Variants in FRMD4A observed in about 807,000 individuals in gnomAD.
The protein encoded by FRMD4A is FERM domain containing 4A, also known as FERM domain-containing protein 4A.
Under a neutral mutation model 129.1 loss-of-function variants are expected in FRMD4A, and 29 were observed. The ratio of observed to expected loss-of-function variants is 0.22; its 90% CI spans 0.17 to 0.31. The LOEUF is 0.31. Among genes scored for constraint, FRMD4A ranks in the 10% least tolerant of loss-of-function variants. The probability of loss-of-function intolerance (pLI) is 1.00; values close to 1 mark genes in which losing one functional copy is unlikely to be tolerated. For synonymous variants in FRMD4A, 634 were observed against 571.6 expected (o/e 1.11, Z -1.56); for missense variants, 1,272 against 1,375.8 (o/e 0.92, Z 1.19).
At chr10:13,958,464 T>C (rs1158798222) in intron 2 of FRMD4A, among the ~76,000 whole-genome samples, 1 of 151,818 alleles carries the variant, frequency 6.6e-6, no homozygotes, top group Non-Finnish European at 1.5e-5. Context: ...TTTGTATTTT[T>C]AGTAGAGACG....
chr10:13,675,906 T>A (rs2083939733), intron 15 of FRMD4A: 1 of 152,100 alleles, frequency 6.6e-6, no homozygotes, highest in African/African-American at 2.4e-5. Context: ...AAAAATAAAA[T>A]TAGAATGCTA....
intron 2 of FRMD4A, among the ~76,000 whole-genome samples, chr10:14,080,173 G>T (rs1292123525): frequency 1.3e-5 from 2 of 152,178 alleles, no homozygotes; most frequent in Non-Finnish European, 2.9e-5. Flanking sequence ...AAGCCACAAA[G>T]ATGCCCCAGC....
chr10:14,300,688 A>C (rs1178314448), intron 2 of FRMD4A, among the ~76,000 whole-genome samples: 2 of 152,214 alleles, frequency 1.3e-5, no homozygotes, highest in Non-Finnish European at 2.9e-5. Context: ...TAAATAATGC[A>C]ATGTTTATGA....
intron 2 of FRMD4A, among the ~76,000 whole-genome samples, chr10:13,974,297 G>A (rs1374873397): frequency 6.6e-6 from 1 of 152,158 alleles, no homozygotes. Context: ...CCCGAGAACA[G>A]CAAGACCTAC....
intron 2 of FRMD4A, among the ~76,000 whole-genome samples, chr10:14,141,581 A>C (rs117186276): frequency 3.3e-5 from 5 of 151,190 alleles, no homozygotes; most frequent in South Asian, 2.1e-4. Flanking sequence ...CCCCTTCTCT[A>C]CCCCTGCCAT....
intron 2 of FRMD4A, among the ~76,000 whole-genome samples, chr10:13,983,505 A>AT (rs1260977717): frequency 6.6e-6 from 1 of 151,982 alleles, no homozygotes; most frequent in Non-Finnish European, 1.5e-5. Context: ...ATATATATAT[A>AT]TTTTTTTCCA....
intron 2 of FRMD4A, among the ~76,000 whole-genome samples, chr10:13,903,046 C>A (rs1363411873): frequency 6.6e-6 from 1 of 152,130 alleles, no homozygotes; most frequent in African/African-American, 2.4e-5. Flanking sequence ...GCTCCGGGCA[C>A]CCTGTTGTCT....
chr10:13,678,432 T>C (rs560963971), intron 15 of FRMD4A, among the ~76,000 whole-genome samples: 1 of 152,300 alleles, frequency 6.6e-6, no homozygotes, highest in East Asian at 1.9e-4. Context: ...GTAAAACAGA[T>C]CTGAGTTTGA....
chr10:14,037,937 C>G (rs4288668), intron 2 of FRMD4A, among the ~76,000 whole-genome samples: 67,685 of 152,058 alleles, frequency 0.45, 15,203 homozygotes, highest in East Asian at 0.58. Flanking sequence ...CAAATGGATC[C>G]AGTTTTGTCT....
chr10:13,911,911 G>C (rs756546148), intron 2 of FRMD4A, among the ~76,000 whole-genome samples: 12 of 152,134 alleles, frequency 7.9e-5, no homozygotes, highest in South Asian at 2.1e-4. Flanking sequence ...AAAGCAAAGA[G>C]AAAATCCTTT....
chr10:14,199,647 C>T (rs1842575390), intron 2 of FRMD4A, among the ~76,000 whole-genome samples: 1 of 152,156 alleles, frequency 6.6e-6, no homozygotes, highest in South Asian at 2.1e-4. Context: ...GCCTTGGCCT[C>T]CCAAACAGCT....
intron 2 of FRMD4A, among the ~76,000 whole-genome samples, chr10:14,001,909 C>T (rs753075340): frequency 3.3e-5 from 5 of 152,174 alleles, no homozygotes; most frequent in Non-Finnish European, 5.9e-5. Flanking sequence ...TTTTTGGTAA[C>T]GTCTCACACT....
At chr10:13,961,363 C>T (rs2447027) in intron 2 of FRMD4A, among the ~76,000 whole-genome samples, 69,449 of 152,008 alleles carry the variant, frequency 0.46, 16,648 homozygotes, top group East Asian at 0.78. Flanking sequence ...TGAGGCTGGG[C>T]GGTGAGGCTT....
intron 6 of FRMD4A, among the ~76,000 whole-genome samples, chr10:13,771,445 G>GCCTTTT (rs779304783): frequency 1.6e-4 from 25 of 152,168 alleles, no homozygotes; most frequent in African/African-American, 2.4e-4. Context: ...GAAATTTTAA[G>GCCTTTT]CCTTTTCCTT....
intron 16 of FRMD4A, 84 bp from the exon 17 acceptor site, chr10:13,670,612 C>T (rs2083436226): frequency 1.4e-6 from 2 of 1,427,400 alleles, no homozygotes; most frequent in Non-Finnish European, 9.7e-7. Flanking sequence ...CACGCACATA[C>T]ACGCACACAA....
intron 2 of FRMD4A, among the ~76,000 whole-genome samples, chr10:14,312,898 A>G (rs1846604189): frequency 6.6e-6 from 1 of 152,148 alleles, no homozygotes; most frequent in Non-Finnish European, 1.5e-5. Context: ...AGAATGAGTT[A>G]ACACTATTGG....
At chr10:13,917,793 A>C (rs1463319257) in intron 2 of FRMD4A, among the ~76,000 whole-genome samples, 1 of 152,192 alleles carries the variant, frequency 6.6e-6, no homozygotes. Flanking sequence ...CAAAGGGGAC[A>C]GGAAATCTGA....
chr10:13,679,982 G>A (rs1429485115), intron 15 of FRMD4A, among the ~76,000 whole-genome samples: 1 of 152,168 alleles, frequency 6.6e-6, no homozygotes, highest in Non-Finnish European at 1.5e-5. Context: ...ATGCCCACTA[G>A]GCATCCACTG....
chr10:13,647,971 C>A (rs1021077747), intron 24 of FRMD4A: 3 of 152,026 alleles, frequency 2.0e-5, no homozygotes, highest in Non-Finnish European at 4.4e-5. Context: ...GGACCCTAAC[C>A]CAAAGTAGTT....
Sources: gnomAD v4.1 joint callset for allele counts (sites outside exome capture counted in the v4.1 genomes callset) on GRCh38, gnomAD v4.1.1 for gene constraint, MANE v1.5 for transcripts, NCBI Gene and HGNC (gene_info 2026-07-23, HGNC 2026-07-21) for gene names.